MEIS2: variants seen among roughly 807,000 people sequenced by gnomAD.
The protein encoded by MEIS2 is homeobox protein Meis2.
In MEIS2, 9 loss-of-function variants were observed where a neutral mutation model predicts 58.6. That is an observed-to-expected ratio of 0.15 (90% confidence interval 0.09 to 0.27). The LOEUF (loss-of-function observed/expected upper bound fraction) is 0.27, where lower values mean the gene tolerates loss of function less well. Among genes scored for constraint, MEIS2 ranks in the 10% least tolerant of loss-of-function variants. MEIS2 has a pLI of 1.00. For missense variants in MEIS2, 427 were observed against 635.0 expected, an observed-to-expected ratio of 0.67 and a Z score of 3.52; for synonymous variants, 221 against 228.4, an observed-to-expected ratio of 0.97 and a Z score of 0.29.
rs181616575 is a variant in MEIS2, at chr15:36,971,105, G to T, written c.901-20705C>A. Reference sequence around the variant, plus strand: ...TAAAATTGCTGTGGTGGTGGGCTTGGGGGGGTGGGGGATGTAAAGTCGATT... The same window carrying T: ...TAAAATTGCTGTGGTGGTGGGCTTGTGGGGGTGGGGGATGTAAAGTCGATT... On this transcript the variant is annotated intron_variant, in intron 8 of 11. Transcript: ENST00000561208. Among the ~76,000 whole-genome samples, 14 of 151,942 alleles carry T rather than the reference G, an allele frequency of 9.2e-5. No individual in the cohort carries two copies. In the East Asian group the frequency reaches 1.2e-3, roughly 13 times the overall value.
chr15:37,041,485 T>C (rs935832526), intron 7 of MEIS2, among the ~76,000 whole-genome samples: 15 of 152,330 alleles, frequency 9.8e-5, no homozygotes, highest in African/African-American at 3.4e-4. Context: ...AAGTCACGCA[T>C]GCTTTCCTTA....
chr15:36,926,280 C>T (rs547350376), intron 9 of MEIS2, among the ~76,000 whole-genome samples: 13 of 151,714 alleles, frequency 8.6e-5, no homozygotes, highest in Admixed American at 2.0e-4. Context: ...GAGCCAGGGT[C>T]GTTGGAACCT....
At chr15:37,065,931 A>G (rs1451996636) in intron 7 of MEIS2, among the ~76,000 whole-genome samples, 1 of 152,184 alleles carries the variant, frequency 6.6e-6, no homozygotes, top group Non-Finnish European at 1.5e-5. Flanking sequence ...ACAAATAAGC[A>G]TTTTTACTTA....
intron 7 of MEIS2, among the ~76,000 whole-genome samples, chr15:37,043,987 G>A (rs933842941): frequency 1.3e-5 from 2 of 151,990 alleles, no homozygotes; most frequent in Non-Finnish European, 2.9e-5. Flanking sequence ...TGCCTGGCCC[G>A]TCTCTTCTTT....
intron 8 of MEIS2, among the ~76,000 whole-genome samples, chr15:37,015,734 CT>C (rs923785713): frequency 1.8e-4 from 27 of 151,954 alleles, no homozygotes; most frequent in East Asian, 1.7e-3. Context: ...TGCTTTCTAC[CT>C]TTTTTTTCCC....
At chr15:36,994,913 G>T (rs2060421152) in intron 8 of MEIS2, among the ~76,000 whole-genome samples, 1 of 152,192 alleles carries the variant, frequency 6.6e-6, no homozygotes, top group Admixed American at 6.5e-5. Flanking sequence ...TACAGGATCA[G>T]TCTAGCCAGA....
chr15:37,092,665 C>A (rs1254028369), intron 6 of MEIS2, among the ~76,000 whole-genome samples: 1 of 74,350 alleles, frequency 1.3e-5, no homozygotes. Context: ...CTCTTTGCTT[C>A]TTTTTCAAAT....
At chr15:36,986,896 G>A (rs1430248568) in intron 8 of MEIS2, among the ~76,000 whole-genome samples, 2 of 152,186 alleles carry the variant, frequency 1.3e-5, no homozygotes, top group Non-Finnish European at 2.9e-5. Flanking sequence ...TGACTGGACT[G>A]TAACTATTAC....
At chr15:37,023,911 C>CA in intron 8 of MEIS2, among the ~76,000 whole-genome samples, 1 of 101,516 alleles carries the variant, frequency 9.9e-6, no homozygotes, top group East Asian at 3.2e-4. Context: ...TTTTCTCTCT[C>CA]TTTTTTTTTT....
chr15:36,976,535 A>G (rs2059766510), intron 8 of MEIS2, among the ~76,000 whole-genome samples: 1 of 150,026 alleles, frequency 6.7e-6, no homozygotes, highest in African/African-American at 2.4e-5. Context: ...CATATATATC[A>G]TTGGAAACAT....
chr15:36,991,422 A>C (rs1413364482), intron 8 of MEIS2, among the ~76,000 whole-genome samples: 1 of 151,190 alleles, frequency 6.6e-6, no homozygotes, highest in East Asian at 2.0e-4. Flanking sequence ...AAGCAAAAGG[A>C]GTTCCCATTT....
At chr15:36,920,067 A>G (rs915622550) in intron 9 of MEIS2, among the ~76,000 whole-genome samples, 3 of 152,176 alleles carry the variant, frequency 2.0e-5, no homozygotes, top group African/African-American at 7.2e-5. Flanking sequence ...AAACAAGAAG[A>G]AATGGAGGCT....
In MEIS2 at chr15:37,100,088, C is replaced by A. The variant is rs968455355; in HGVS notation, c.-622G>T. 6.8e-6 allele frequency: 1 copy of A among 146,954 alleles called. No individual in the cohort carries two copies. The highest frequency in any genetic ancestry group is 2.5e-5 in the African/African-American group (1 of 39,942). 9.1% of individuals were successfully genotyped at this position (146,954 alleles called of 1,614,324 possible). ...TTGAATTTTTTCCTCCCCCCTCCCC[C>A]CTTTTTTAGCTTTGCCCCCGCGGTA... On this transcript the variant is annotated 5_prime_UTR_variant, in exon 1 of 12. Coordinates refer to ENST00000561208, the MANE Select transcript of MEIS2 (RefSeq NM_170675.5).
chr15:36,943,208 T>G (rs1360448159), intron 9 of MEIS2, among the ~76,000 whole-genome samples: 1 of 152,144 alleles, frequency 6.6e-6, no homozygotes, highest in East Asian at 1.9e-4. Context: ...TTTTAAATCA[T>G]GCAACCCACT....
chr15:37,075,537 A>G (rs1891286847), intron 7 of MEIS2, among the ~76,000 whole-genome samples: 1 of 152,080 alleles, frequency 6.6e-6, no homozygotes, highest in Admixed American at 6.6e-5. Flanking sequence ...GTGAACCAAT[A>G]CACACCAAGT....
At chr15:37,039,014 G>A (rs2062291544) in intron 7 of MEIS2, among the ~76,000 whole-genome samples, 1 of 152,216 alleles carries the variant, frequency 6.6e-6, no homozygotes, top group Non-Finnish European at 1.5e-5. Context: ...GATCTCATCA[G>A]CTGTTCATGT....
intron 8 of MEIS2, among the ~76,000 whole-genome samples, chr15:37,031,710 C>A (rs958313491): frequency 6.6e-6 from 1 of 151,932 alleles, no homozygotes; most frequent in Non-Finnish European, 1.5e-5. Context: ...CTCTCCCCAA[C>A]CCCCAGAGAT....
intron 6 of MEIS2, among the ~76,000 whole-genome samples, chr15:37,093,203 G>GCTAA (rs1033991104): frequency 6.6e-6 from 1 of 152,160 alleles, no homozygotes; most frequent in East Asian, 1.9e-4. Flanking sequence ...GACCAGTCCA[G>GCTAA]CTAACTGTCT....
At chr15:36,892,527 G>C in intron 11 of MEIS2, 68 bp from the exon 12 acceptor site, 39 of 644,778 alleles carry the variant, frequency 6.0e-5, no homozygotes, top group Non-Finnish European at 7.4e-5. Flanking sequence ...ACCCATCAAA[G>C]ATGAAAAGAA....
Sources: allele counts gnomAD v4.1 joint callset (sites outside exome capture counted in the v4.1 genomes callset), GRCh38; gene constraint gnomAD v4.1.1; transcripts MANE v1.5; gene names NCBI Gene and HGNC (gene_info 2026-07-23, HGNC 2026-07-21).